ABI3BP: variants seen among roughly 807,000 people sequenced by gnomAD.
The protein encoded by ABI3BP is ABI family member 3 binding protein, also known as target of Nesh-SH3.
Under a neutral mutation model 268.6 loss-of-function variants are expected in ABI3BP, and 216 were observed. That is an observed-to-expected ratio of 0.80 (90% CI 0.72 to 0.90). ABI3BP has a LOEUF of 0.90. Among genes scored for constraint, ABI3BP ranks in the 40% least tolerant of loss-of-function variants. The pLI is 0.00. For missense variants in ABI3BP, 2,090 were observed against 2,182.4 expected, an observed-to-expected ratio of 0.96 and a Z score of 0.84; for synonymous variants, 730 against 730.0, an observed-to-expected ratio of 1.00 and a Z score of 0.00.
intron 1 of ABI3BP, among the ~76,000 whole-genome samples, chr3:100,980,065 G>A (rs1365165770): frequency 2.0e-5 from 3 of 152,128 alleles, no homozygotes; most frequent in Non-Finnish European, 4.4e-5. Flanking sequence ...ATGGGATAAT[G>A]TTCAAAATCA....
chr3:100,860,679 T>A (rs1052951000), intron 14 of ABI3BP, among the ~76,000 whole-genome samples: 2 of 152,194 alleles, frequency 1.3e-5, no homozygotes, highest in African/African-American at 4.8e-5. Context: ...GTCTCGAAAA[T>A]GGTTTCCTTG....
At chr3:100,833,662 T>C (rs1238818945) in intron 29 of ABI3BP, among the ~76,000 whole-genome samples, 1 of 152,192 alleles carries the variant, frequency 6.6e-6, no homozygotes, top group Non-Finnish European at 1.5e-5. Context: ...GAACCAGATA[T>C]AGAGGGTCAT....
In ABI3BP at chr3:100,753,937, T is replaced by G. The variant is rs41272983; in HGVS notation, c.4931-89A>C. The G allele has an allele frequency of 5.2e-3, 6,822 of 1,319,180 alleles. 17 individuals carry two copies. The highest frequency in any genetic ancestry group is 5.8e-3 in the Non-Finnish European group (5,446 of 935,970). 81.7% of individuals were successfully genotyped at this position (1,319,180 alleles called of 1,614,324 possible). A position where few individuals can be genotyped will look rare whatever the true frequency, so the allele number is the denominator to read the frequency against. On this transcript the variant is annotated intron_variant, in intron 64 of 67. Coordinates refer to ENST00000471714, the MANE Select transcript of ABI3BP (RefSeq NM_001375547.2). ...GGTGAAGATGATGGGGGCTTACACT[T>G]GTTAAGAAGTCTTATTTGCAAAATG...
chr3:100,892,428 A>G (rs1407994358), intron 4 of ABI3BP, among the ~76,000 whole-genome samples: 1 of 152,242 alleles, frequency 6.6e-6, no homozygotes. Context: ...AAAAGTGAGA[A>G]TAAAGTGATG....
At chr3:100,958,861 A>T (rs1233010498) in intron 1 of ABI3BP, among the ~76,000 whole-genome samples, 1 of 152,234 alleles carries the variant, frequency 6.6e-6, no homozygotes, top group African/African-American at 2.4e-5. Flanking sequence ...GGGAGTTTTT[A>T]TCTACTTGTG....
chr3:100,993,263 A>G, intron 1 of ABI3BP, 43 bp downstream of exon 1: 1 of 1,313,004 alleles, frequency 7.6e-7, no homozygotes, highest in South Asian at 1.3e-5. Flanking sequence ...AAACATCTAT[A>G]TCTTAATATT....
chr3:100,923,447 A>C (rs1035837678), intron 2 of ABI3BP, among the ~76,000 whole-genome samples: 1 of 152,220 alleles, frequency 6.6e-6, no homozygotes, highest in African/African-American at 2.4e-5. Context: ...ACCAAAGTAA[A>C]TAATCGAGCA....
chr3:100,894,616 A>T (rs1039950012), intron 4 of ABI3BP, among the ~76,000 whole-genome samples: 1 of 152,116 alleles, frequency 6.6e-6, no homozygotes, highest in South Asian at 2.1e-4. Context: ...TGGACTGGCC[A>T]AAAAGGAGAG....
intron 55 of ABI3BP, among the ~76,000 whole-genome samples, chr3:100,789,909 A>C (rs952719507): frequency 6.6e-6 from 1 of 152,080 alleles, no homozygotes; most frequent in East Asian, 1.9e-4. Flanking sequence ...GTGAAATATT[A>C]TTTTGCTAAA....
At chr3:100,834,655 A>G (rs1234328928) in intron 29 of ABI3BP, 29 bp downstream of exon 29, 2 of 1,531,272 alleles carry the variant, frequency 1.3e-6, no homozygotes, top group Non-Finnish European at 1.8e-6. Context: ...ATGGGATGCC[A>G]CAGGGACAAG....
At position 100,945,903 on chromosome 3, in the gene ABI3BP, T is replaced by G. The variant is rs558066397; in HGVS notation, c.80-19422A>C. 1.3e-5 allele frequency among the ~76,000 whole-genome samples: 2 copies of G among 152,238 alleles called. 1 individual carries two copies. The highest frequency in any genetic ancestry group is 4.8e-5 in the African/African-American group (2 of 41,542). On this transcript the variant is annotated intron_variant, in intron 1 of 67. Coordinates refer to ENST00000471714, the MANE Select transcript of ABI3BP (RefSeq NM_001375547.2). ...TAATTTATTAAGAAACTCCCAAACT[T>G]TTCCAGTTTTATATGAATTGCTAAG...
intron 14 of ABI3BP, among the ~76,000 whole-genome samples, chr3:100,860,070 C>T (rs1476052268): frequency 6.6e-6 from 1 of 152,108 alleles, no homozygotes; most frequent in Admixed American, 6.5e-5. Context: ...CAAACTCCAT[C>T]TCAAAAAACA....
In ABI3BP at chr3:100,753,848, G is replaced by T. The variant is rs752464014; in HGVS notation, c.4931C>A (p.Ala1644Glu). 20 of 1,608,936 alleles carry T rather than the reference G, an allele frequency of 1.2e-5. No individual in the cohort carries two copies. Among genetic ancestry groups the T allele is most frequent in the Non-Finnish European group, 1.7e-5 (20 of 1,177,736 alleles). ...SNTVAFSTES[A>E]DPRVSEPVSA... is the part of the protein sequence containing the mutation. Reference sequence around the variant, plus strand: ...AACTGGCTCACTCACTCTTGGGTCCGCTGAGGAGAAATAAATAGAAAAGTC... The same window carrying T: ...AACTGGCTCACTCACTCTTGGGTCCTCTGAGGAGAAATAAATAGAAAAGTC... The change falls in exon 65 of 68, where the codon GCG becomes GAG. Residue 1644 changes from alanine (A) to glutamate (E), a missense_variant and splice_region_variant. Physicochemically the swap from Ala to Glu is moderately radical, Grantham distance 107 (BLOSUM62 -1). Coordinates refer to ENST00000471714, the MANE Select transcript of ABI3BP (RefSeq NM_001375547.2).
chr3:100,828,530 T>G lies in ABI3BP; in HGVS notation c.2543-78A>C. On this transcript the variant is annotated intron_variant, in intron 33 of 67. Coordinates refer to ENST00000471714, the MANE Select transcript of ABI3BP (RefSeq NM_001375547.2). Reference sequence around the variant, plus strand: ...AAACTCAGAACATTCAAAAAGAATTTTACGAGGTCATGACATATCTGTCCA... The same window carrying G: ...AAACTCAGAACATTCAAAAAGAATTGTACGAGGTCATGACATATCTGTCCA... 2.3e-6 allele frequency: 3 copies of G among 1,330,912 alleles called. No homozygotes were observed. The South Asian group carries it at 3.9e-5, about 17-fold the overall frequency. The allele number at this position is 1,330,912 out of a possible 1,614,324, so 82.4% of individuals were successfully genotyped here. A position where few individuals can be genotyped will look rare whatever the true frequency, so the allele number is the denominator to read the frequency against.
chr3:100,760,176 A>T (rs1171020376), intron 63 of ABI3BP, among the ~76,000 whole-genome samples: 2 of 152,254 alleles, frequency 1.3e-5, no homozygotes, highest in Non-Finnish European at 2.9e-5. Flanking sequence ...CAGAGAGGTC[A>T]GTAAAAGTAC....
intron 14 of ABI3BP, among the ~76,000 whole-genome samples, chr3:100,858,242 A>C (rs1001255758): frequency 1.3e-5 from 2 of 152,248 alleles, no homozygotes; most frequent in Non-Finnish European, 2.9e-5. Context: ...TGCCAAGGGA[A>C]TCAAAATCAA....
At chr3:100,952,704 A>G (rs1487656492) in intron 1 of ABI3BP, 2 of 152,190 alleles carry the variant, frequency 1.3e-5, no homozygotes, top group Non-Finnish European at 2.9e-5. Flanking sequence ...CAAGAATGAC[A>G]CACAAATTCG....
In ABI3BP at chr3:100,752,948, G is replaced by A. The variant is rs1348173896; in HGVS notation, c.4961C>T (p.Ala1654Val). 6.2e-7 allele frequency: 1 copy of A among 1,608,080 alleles called. No individual in the cohort carries two copies. The highest frequency in any genetic ancestry group is 8.5e-7 in the Non-Finnish European group (1 of 1,177,544). ...TTCAGTCCAGATGGCATCTCTTCCT[G>A]CTACAAAAGGAAAATAGTTTGAGTT... is the stretch of plus-strand genomic sequence containing the variant. ...ADPRVSEPVS[A>V]GRDAIWTERP... Residue 1654 changes from alanine to valine, a missense_variant and splice_region_variant, in exon 66 of 68, where the codon GCA (alanine) becomes GTA (valine). Physicochemically the swap from Ala to Val is moderately conservative, Grantham distance 64. Transcript: ENST00000471714.
intron 65 of ABI3BP, 73 bp from the exon 66 acceptor site, chr3:100,753,021 A>G: frequency 1.4e-6 from 2 of 1,436,084 alleles, no homozygotes; most frequent in Non-Finnish European, 1.9e-6. Flanking sequence ...AGTTTACAAA[A>G]TTTGTCAACT....
Sources: gnomAD v4.1 joint callset for allele counts (sites outside exome capture counted in the v4.1 genomes callset) on GRCh38, gnomAD v4.1.1 for gene constraint, MANE v1.5 for transcripts, NCBI Gene and HGNC (gene_info 2026-07-23, HGNC 2026-07-21) for gene names.